Variants in ZDHHC20 observed in about 807,000 individuals in gnomAD.
ZDHHC20 encodes the protein zDHHC palmitoyltransferase 20.
Under a neutral mutation model 57.8 loss-of-function variants are expected in ZDHHC20, and 43 were observed. The observed-to-expected ratio is 0.74, with a 90% CI of 0.58 to 0.96. The LOEUF is 0.96. ZDHHC20 is among the 40% of genes least tolerant of loss of function. ZDHHC20 has a pLI of 0.00. For missense variants in ZDHHC20, 391 were observed against 441.1 expected (o/e 0.89, Z 1.02); for synonymous variants, 157 against 153.0 (o/e 1.03, Z -0.19).
intron 1 of ZDHHC20, among the ~76,000 whole-genome samples, chr13:21,448,383 C>T (rs1256416619): frequency 1.8e-5 from 2 of 111,148 alleles, no homozygotes; most frequent in African/African-American, 3.1e-5. Flanking sequence ...GTCAGCCCCC[C>T]GCCCGGCCAG....
At chr13:21,423,487 C>T (rs1418909309) in intron 2 of ZDHHC20, among the ~76,000 whole-genome samples, 1 of 151,844 alleles carries the variant, frequency 6.6e-6, no homozygotes, top group Non-Finnish European at 1.5e-5. Context: ...ACCAGCCTGG[C>T]CAACATGGTA....
chr13:21,420,219 G>A (rs1308189786), intron 3 of ZDHHC20, among the ~76,000 whole-genome samples: 4 of 152,158 alleles, frequency 2.6e-5, no homozygotes, highest in South Asian at 2.1e-4. Context: ...CCTGGGAGGC[G>A]GAGGTTGTAG....
At position 21,375,056 on chromosome 13, in the gene ZDHHC20, C is replaced by A; in HGVS notation, c.*1640G>T. ...GGCTGAGGCAGGAGACTCTATTGAA[C>A]CTGGAAGGCAGAGGTTGCAGCGAGC... On this transcript the variant is annotated 3_prime_UTR_variant, in exon 13 of 13. Coordinates refer to ENST00000400590, the MANE Select transcript of ZDHHC20 (RefSeq NM_001330059.2). The A allele has an allele frequency of 2.2e-6, 1 of 450,538 alleles. No homozygotes were observed. Among genetic ancestry groups the A allele is most frequent in the Non-Finnish European group, 4.4e-6 (1 of 224,810 alleles). 27.9% of individuals were successfully genotyped at this position (450,538 alleles called of 1,614,324 possible). A position where few individuals can be genotyped will look rare whatever the true frequency, so the allele number is the denominator to read the frequency against.
Position 21,400,332 on chromosome 13 carries a change from A to G in ZDHHC20, c.594+41T>C, listed in dbSNP as rs1373149995. The G allele has an allele frequency of 5.3e-6, 8 of 1,512,390 alleles. No individual in the cohort carries two copies. The Admixed American group carries it at 1.9e-4, about 37-fold the overall frequency. The allele number at this position is 1,512,390 out of a possible 1,614,324, so 93.7% of individuals were successfully genotyped here. A position where few individuals can be genotyped will look rare whatever the true frequency, so the allele number is the denominator to read the frequency against. ...AATTTATTAGGAAGATAGCATCTTA[A>G]AGTCTTAAATACATGTTTCAAGATA... On this transcript the variant is annotated intron_variant, in intron 7 of 12. Coordinates refer to ENST00000400590, the MANE Select transcript of ZDHHC20 (RefSeq NM_001330059.2).
At chr13:21,454,397 G>A (rs1884733340) in intron 1 of ZDHHC20, among the ~76,000 whole-genome samples, 1 of 152,076 alleles carries the variant, frequency 6.6e-6, no homozygotes, top group Non-Finnish European at 1.5e-5. Flanking sequence ...AGTGCTGGTA[G>A]TACAGAGGTG....
In ZDHHC20 at chr13:21,373,869, T is replaced by C. The variant is rs1871586286; in HGVS notation, c.*2827A>G. ...ATGGTCATTAATACGTATGAATCAG[T>C]TGAGCTAAATATTATTTAGAACGTG... On this transcript the variant is annotated 3_prime_UTR_variant, in exon 13 of 13. Transcript: ENST00000400590. 6.6e-6 allele frequency: 1 copy of C among 152,298 alleles called. No individual in the cohort carries two copies. The highest frequency in any genetic ancestry group is 1.5e-5 in the Non-Finnish European group (1 of 68,094). 9.4% of individuals were successfully genotyped at this position (152,298 alleles called of 1,614,324 possible).
In ZDHHC20 at chr13:21,414,725, T is replaced by C. The variant is rs373200773; in HGVS notation, c.250-953A>G. Among the ~76,000 whole-genome samples the C allele has an allele frequency of 4.0e-4, 61 of 152,010 alleles. No homozygotes were observed. The South Asian group carries it at 0.012, about 30-fold the overall frequency. Reference sequence around the variant, plus strand: ...TGTTTGTTCCCATGTGTGGCCAGCCTCTGGTTCGTTTCTCTTAATAGCATT... The same window carrying C: ...TGTTTGTTCCCATGTGTGGCCAGCCCCTGGTTCGTTTCTCTTAATAGCATT... On this transcript the variant is annotated intron_variant, in intron 3 of 12. Coordinates refer to ENST00000400590, the MANE Select transcript of ZDHHC20 (RefSeq NM_001330059.2).
chr13:21,407,608 G>C (rs909339993), intron 4 of ZDHHC20, among the ~76,000 whole-genome samples: 1 of 152,108 alleles, frequency 6.6e-6, no homozygotes, highest in Non-Finnish European at 1.5e-5. Context: ...CTTTTGCTGT[G>C]CAGAAGCTCT....
intron 8 of ZDHHC20, among the ~76,000 whole-genome samples, chr13:21,389,510 A>C (rs931911885): frequency 2.6e-5 from 4 of 152,200 alleles, no homozygotes; most frequent in Admixed American, 6.5e-5. Context: ...TAATTTTATA[A>C]ATATTTGTGC....
chr13:21,383,069 T>G (rs1873720266), intron 9 of ZDHHC20, 60 bp from the exon 10 acceptor site: 1 of 1,405,434 alleles, frequency 7.1e-7, no homozygotes, highest in African/African-American at 1.4e-5. Flanking sequence ...AATGGTCAAA[T>G]TTAACACTCA....
chr13:21,404,154 T>C (rs563307813), intron 4 of ZDHHC20, among the ~76,000 whole-genome samples: 3 of 152,344 alleles, frequency 2.0e-5, no homozygotes, highest in South Asian at 4.1e-4. Flanking sequence ...GTATATCCAG[T>C]GAAACACTAT....
chr13:21,453,298 C>T (rs1884626481), intron 1 of ZDHHC20, among the ~76,000 whole-genome samples: 1 of 152,170 alleles, frequency 6.6e-6, no homozygotes, highest in Non-Finnish European at 1.5e-5. Flanking sequence ...CACCTAATTA[C>T]ACAGATGTAA....
chr13:21,387,636 T>C lies in ZDHHC20; in HGVS notation c.728-2A>G, dbSNP rs1283401125. 6.9e-7 allele frequency: 1 copy of C among 1,443,436 alleles called. No homozygotes were observed. The highest frequency in any genetic ancestry group is 9.2e-7 in the Non-Finnish European group (1 of 1,092,546). 89.4% of individuals were successfully genotyped at this position (1,443,436 alleles called of 1,614,324 possible). On this transcript the variant is annotated splice_acceptor_variant, in intron 8 of 12. Transcript: ENST00000400590. LOFTEE classifies it high-confidence loss of function. Reference sequence around the variant, plus strand: ...AAAACGTGGGTGCGCGGAATGATTCTGTTAAATATACATACATATATAAAC... The same window carrying C: ...AAAACGTGGGTGCGCGGAATGATTCCGTTAAATATACATACATATATAAAC...
rs554798421 is a variant in ZDHHC20, at chr13:21,414,593, G to C, written c.250-821C>G. Among the ~76,000 whole-genome samples, 583 of 142,912 alleles carry C rather than the reference G, an allele frequency of 4.1e-3. 4 individuals carry two copies. Among genetic ancestry groups the C allele is most frequent in the Non-Finnish European group, 2.7e-3 (176 of 66,042 alleles). 93.8% of individuals were successfully genotyped at this position (142,912 alleles called of 152,430 possible). On this transcript the variant is annotated intron_variant, in intron 3 of 12. Coordinates refer to ENST00000400590, the MANE Select transcript of ZDHHC20 (RefSeq NM_001330059.2). ...TCACCGTGTTAGCCAGGATGGTCTC[G>C]ATCTCCTGACCTCGTGATCTGCCCG...
At chr13:21,440,097 A>C (rs1432829400) in intron 1 of ZDHHC20, among the ~76,000 whole-genome samples, 1 of 125,670 alleles carries the variant, frequency 8.0e-6, no homozygotes, top group Non-Finnish European at 1.7e-5. Flanking sequence ...AAAAAAAAAA[A>C]AGACAATGTT....
At chr13:21,382,468 G>C (rs1031708880) in intron 10 of ZDHHC20, among the ~76,000 whole-genome samples, 37 of 152,038 alleles carry the variant, frequency 2.4e-4, no homozygotes, top group African/African-American at 8.5e-4. Context: ...TTTCCTCTAA[G>C]ATGAATTAAT....
intron 4 of ZDHHC20, among the ~76,000 whole-genome samples, chr13:21,408,032 T>C (rs991197651): frequency 2.4e-4 from 37 of 152,224 alleles, no homozygotes; most frequent in African/African-American, 8.0e-4. Context: ...CCTTGTAGTA[T>C]AGTTTGAGGT....
At chr13:21,400,522 A>G in intron 6 of ZDHHC20, 29 bp from the exon 7 acceptor site, 1 of 1,525,104 alleles carries the variant, frequency 6.6e-7, no homozygotes, top group African/African-American at 1.4e-5. Context: ...CCACATTATA[A>G]AAGTAAGACA....
At chr13:21,449,971 C>T (rs1884289045) in intron 1 of ZDHHC20, among the ~76,000 whole-genome samples, 1 of 152,016 alleles carries the variant, frequency 6.6e-6, no homozygotes, top group Non-Finnish European at 1.5e-5. Context: ...ATCTATTACA[C>T]TAAGCAGTGA....
Sources: gnomAD v4.1 joint callset for allele counts (sites outside exome capture counted in the v4.1 genomes callset) on GRCh38, gnomAD v4.1.1 for gene constraint, MANE v1.5 for transcripts, NCBI Gene and HGNC (gene_info 2026-07-23, HGNC 2026-07-21) for gene names.